Variants in ARFIP1 observed in about 807,000 individuals in gnomAD.
The protein encoded by ARFIP1 is arfaptin-1.
In ARFIP1, 24 loss-of-function variants were observed where a neutral mutation model predicts 42.5. The ratio of observed to expected loss-of-function variants is 0.57; its 90% CI spans 0.41 to 0.80. The LOEUF is 0.80. Among genes scored for constraint, ARFIP1 ranks in the 30% least tolerant of loss-of-function variants. The pLI is 0.00. For synonymous variants in ARFIP1, 141 were observed against 153.7 expected, an observed-to-expected ratio of 0.92 and a Z score of 0.61; for missense variants, 354 against 434.0, an observed-to-expected ratio of 0.82 and a Z score of 1.64.
At chr4:152,862,107 C>T (rs552909891) in intron 2 of ARFIP1, among the ~76,000 whole-genome samples, 48 of 152,272 alleles carry the variant, frequency 3.2e-4, no homozygotes, top group Admixed American at 2.4e-3. Context: ...AGACCTTTAG[C>T]GACGTTGGCC....
intron 8 of ARFIP1, among the ~76,000 whole-genome samples, chr4:152,896,072 G>T (rs1194728113): frequency 2.0e-5 from 3 of 152,094 alleles, no homozygotes; most frequent in South Asian, 2.1e-4. Context: ...CGGGGGAGGG[G>T]CTGGGGTATC....
At chr4:152,891,810 G>A (rs1245958287) in intron 8 of ARFIP1, among the ~76,000 whole-genome samples, 1 of 152,062 alleles carries the variant, frequency 6.6e-6, no homozygotes, top group African/African-American at 2.4e-5. Flanking sequence ...CTGGGTTCAA[G>A]CAGTTCTCTT....
At chr4:152,808,422 A>G (rs1397225202) in intron 1 of ARFIP1, among the ~76,000 whole-genome samples, 1 of 149,758 alleles carries the variant, frequency 6.7e-6, no homozygotes, top group Non-Finnish European at 1.5e-5. Flanking sequence ...TTTGGCCATT[A>G]TAGGTAAAGC....
chr4:152,866,250 T>C (rs902783274), intron 3 of ARFIP1, among the ~76,000 whole-genome samples: 1 of 152,244 alleles, frequency 6.6e-6, no homozygotes, highest in Non-Finnish European at 1.5e-5. Flanking sequence ...AAAAATGAAA[T>C]GTCTCCCATG....
chr4:152,905,973 A>G (rs1329178645), intron 8 of ARFIP1, among the ~76,000 whole-genome samples: 1 of 152,086 alleles, frequency 6.6e-6, no homozygotes, highest in Non-Finnish European at 1.5e-5. Context: ...TTGAAGTCCA[A>G]TTTATTGATG....
chr4:152,887,991 C>G (rs930175256), intron 7 of ARFIP1, 142 bp from the exon 8 acceptor site: 2 of 506,482 alleles, frequency 3.9e-6, no homozygotes, highest in Non-Finnish European at 3.2e-6. Flanking sequence ...ATAATGATTT[C>G]AAAAGCGTCA....
intron 2 of ARFIP1, chr4:152,850,497 A>C (rs1732892371): frequency 6.6e-6 from 1 of 152,040 alleles, no homozygotes; most frequent in South Asian, 2.1e-4. Flanking sequence ...AAGGTGACAC[A>C]CAGGAAACGG....
At chr4:152,791,213 T>C (rs1731130035) in intron 1 of ARFIP1, among the ~76,000 whole-genome samples, 1 of 152,234 alleles carries the variant, frequency 6.6e-6, no homozygotes, top group South Asian at 2.1e-4. Flanking sequence ...TAAAAATAAA[T>C]GTAATATACT....
At chr4:152,851,746 G>A (rs980015581) in intron 2 of ARFIP1, among the ~76,000 whole-genome samples, 1 of 152,128 alleles carries the variant, frequency 6.6e-6, no homozygotes, top group African/African-American at 2.4e-5. Flanking sequence ...ACATTCTCAA[G>A]GATATATATT....
At chr4:152,897,705 TG>T (rs1401155785) in intron 8 of ARFIP1, among the ~76,000 whole-genome samples, 1 of 152,208 alleles carries the variant, frequency 6.6e-6, no homozygotes, top group African/African-American at 2.4e-5. Flanking sequence ...TCACTTATTT[TG>T]CCAGCCTTGG....
chr4:152,880,732 G>A lies in ARFIP1; in HGVS notation c.412-231G>A, dbSNP rs114713506. On this transcript the variant is annotated intron_variant, in intron 5 of 8. Coordinates refer to ENST00000353617, the MANE Select transcript of ARFIP1 (RefSeq NM_001025595.3). Reference sequence around the variant, plus strand: ...AATAATTATGTGAGAGAGTTCTTATGGCAGTATATAAGTTTGCTAGATATG... The same window carrying A: ...AATAATTATGTGAGAGAGTTCTTATAGCAGTATATAAGTTTGCTAGATATG... Among the ~76,000 whole-genome samples the A allele has an allele frequency of 1.6e-3, 240 of 152,204 alleles. 2 individuals are homozygous for A. Among genetic ancestry groups the A allele is most frequent in the Non-Finnish European group, 2.8e-3 (187 of 67,994 alleles).
intron 1 of ARFIP1, among the ~76,000 whole-genome samples, chr4:152,803,627 C>T (rs745568043): frequency 3.4e-4 from 52 of 152,022 alleles, no homozygotes; most frequent in Non-Finnish European, 1.9e-4. Flanking sequence ...TATTTTTGGG[C>T]GGTTGATGCC....
chr4:152,891,886 T>C (rs78048309), intron 8 of ARFIP1, among the ~76,000 whole-genome samples: 4 of 152,012 alleles, frequency 2.6e-5, no homozygotes, highest in African/African-American at 7.2e-5. Context: ...TTTTTTTTTT[T>C]CTAGTAGAAA....
intron 2 of ARFIP1, among the ~76,000 whole-genome samples, chr4:152,841,044 T>C (rs1183190745): frequency 2.0e-5 from 3 of 151,504 alleles, no homozygotes; most frequent in Non-Finnish European, 4.4e-5. Flanking sequence ...TGTATCTTTT[T>C]TTTTTAAGAT....
chr4:152,793,367 ATC>A, intron 1 of ARFIP1, among the ~76,000 whole-genome samples: 1 of 149,172 alleles, frequency 6.7e-6, no homozygotes, highest in Non-Finnish European at 1.5e-5. Context: ...TTTAGTACCT[ATC>A]TCTGTAATTC....
At chr4:152,844,733 A>G (rs896505156) in intron 2 of ARFIP1, among the ~76,000 whole-genome samples, 1 of 152,184 alleles carries the variant, frequency 6.6e-6, no homozygotes, top group African/African-American at 2.4e-5. Flanking sequence ...CTAATAGGAA[A>G]ACCTTCCATG....
chr4:152,838,612 A>G (rs908850389), intron 2 of ARFIP1, among the ~76,000 whole-genome samples: 2 of 152,050 alleles, frequency 1.3e-5, no homozygotes, highest in African/African-American at 4.8e-5. Flanking sequence ...AGAGCTACTG[A>G]TTTGCCTAGA....
chr4:152,821,779 C>G (rs1730387935), intron 1 of ARFIP1, among the ~76,000 whole-genome samples: 1 of 152,164 alleles, frequency 6.6e-6, no homozygotes, highest in East Asian at 1.9e-4. Context: ...AACAGACTAA[C>G]AGCAGACTTC....
intron 2 of ARFIP1, among the ~76,000 whole-genome samples, chr4:152,833,719 A>G (rs903331997): frequency 6.6e-6 from 1 of 152,236 alleles, no homozygotes; most frequent in African/African-American, 2.4e-5. Context: ...AAATCCTACC[A>G]TTTGTAACAG....
Sources: gnomAD v4.1 joint callset for allele counts (sites outside exome capture counted in the v4.1 genomes callset) on GRCh38, gnomAD v4.1.1 for gene constraint, MANE v1.5 for transcripts, NCBI Gene and HGNC (gene_info 2026-07-23, HGNC 2026-07-21) for gene names.